Variants in ACCS observed in about 807,000 individuals in gnomAD.
ACCS encodes the protein 1-aminocyclopropane-1-carboxylate synthase homolog (inactive).
In ACCS, 42 loss-of-function variants were observed where a neutral mutation model predicts 59.8. The ratio of observed to expected loss-of-function variants is 0.70; its 90% CI spans 0.55 to 0.91. ACCS has a LOEUF of 0.91. Ranked by LOEUF, ACCS falls within the 40% of genes least tolerant of loss-of-function variation. ACCS has a pLI of 0.00. For synonymous variants in ACCS, 230 were observed against 240.3 expected (o/e 0.96, Z 0.40); for missense variants, 602 against 630.4 (o/e 0.95, Z 0.48).
At position 44,084,172 on chromosome 11, in the gene ACCS, C is replaced by T. The variant is rs374785376; in HGVS notation, c.*380C>T. ...TCCTCTTTCTTTGTCACCAAGGAAA[C>T]GAGTCAAAGGAACAGCACATACAGG... On this transcript the variant is annotated 3_prime_UTR_variant, in exon 15 of 15. Coordinates refer to ENST00000263776, the MANE Select transcript of ACCS (RefSeq NM_032592.4). The T allele has an allele frequency of 2.3e-4, 47 of 203,914 alleles. No homozygotes were observed. The highest frequency in any genetic ancestry group is 8.6e-4 in the African/African-American group (37 of 42,972). 12.6% of individuals were successfully genotyped at this position (203,914 alleles called of 1,614,324 possible).
At chr11:44,076,623 T>C (rs1214319596) in intron 6 of ACCS, among the ~76,000 whole-genome samples, 2 of 152,236 alleles carry the variant, frequency 1.3e-5, no homozygotes, top group Non-Finnish European at 2.9e-5. Flanking sequence ...AGTACCTCCT[T>C]CGGAGACTAA....
At chr11:44,068,162 A>G (rs1419737068) in intron 2 of ACCS, among the ~76,000 whole-genome samples, 1 of 152,174 alleles carries the variant, frequency 6.6e-6, no homozygotes, top group Admixed American at 6.5e-5. Flanking sequence ...ATGATGTTCT[A>G]TGGATTCTGA....
intron 4 of ACCS, 64 bp from the exon 5 acceptor site, chr11:44,074,548 G>A: frequency 8.0e-7 from 1 of 1,257,212 alleles, no homozygotes; most frequent in Non-Finnish European, 1.2e-6. Context: ...CACCAGAGGA[G>A]CTTCAGGATG....
At chr11:44,069,187 T>A (rs1952929682) in intron 2 of ACCS, among the ~76,000 whole-genome samples, 1 of 152,194 alleles carries the variant, frequency 6.6e-6, no homozygotes, top group African/African-American at 2.4e-5. Context: ...GGAATCCTGG[T>A]GGATGCCTCA....
At chr11:44,075,366 G>T (rs79243553) in intron 5 of ACCS, among the ~76,000 whole-genome samples, 160 bp from the exon 6 acceptor site, 1 of 152,180 alleles carries the variant, frequency 6.6e-6, no homozygotes, top group Non-Finnish European at 1.5e-5. Context: ...GGGTCCACAC[G>T]GATGAGCTTG....
Position 44,078,955 on chromosome 11 carries a change from T to C in ACCS, c.833+171T>C. On this transcript the variant is annotated intron_variant, in intron 9 of 14. Transcript: ENST00000263776. ...GGGATTTGTGGGATGCCCATTCCTC[T>C]TTATCTTTCACTCTTTATAACAATA... 6.7e-6 allele frequency: 4 copies of C among 600,292 alleles called. No homozygotes were observed. In the South Asian group the frequency reaches 8.1e-5, roughly 12 times the overall value. 37.2% of individuals were successfully genotyped at this position (600,292 alleles called of 1,614,324 possible). A position where few individuals can be genotyped will look rare whatever the true frequency, so the allele number is the denominator to read the frequency against.
intron 1 of ACCS, chr11:44,067,418 TC>T (rs1565166861): frequency 1.8e-6 from 1 of 544,648 alleles, no homozygotes; most frequent in African/African-American, 1.9e-5. Context: ...GCAAGTGCAG[TC>T]CCTGGCACGT....
In ACCS at chr11:44,075,578, TGTGTGAGGCCG is replaced by T; in HGVS notation, c.544_554del (p.Cys182GlyfsTer33). The T allele has an allele frequency of 1.2e-6, 2 of 1,614,174 alleles. No individual in the cohort carries two copies. Among genetic ancestry groups the T allele is most frequent in the Non-Finnish European group, 1.7e-6 (2 of 1,180,034 alleles). ...CTCTTCTCTGCTCTGGCCACGGTGC[TGTGTGAGGCCG>T]GGGGTAAGTGAGCTCTGTGGCCTGC... On this transcript the variant is annotated frameshift_variant, in exon 6 of 15. Transcript: ENST00000263776. LOFTEE classifies it high-confidence loss of function.
intron 2 of ACCS, among the ~76,000 whole-genome samples, chr11:44,068,903 A>T (rs1209764937): frequency 6.6e-6 from 1 of 152,226 alleles, no homozygotes; most frequent in African/African-American, 2.4e-5. Flanking sequence ...AGTTAGGGAG[A>T]CAAACAGTGA....
rs1212714711 is a variant in ACCS at position 44,084,058 on chromosome 11, C to T, written c.*266C>T. ...TGTGAGTTATTTAGAATGGAGGAGT[C>T]GTGACTGCTTCTAACCAGAGCCTCA... On this transcript the variant is annotated 3_prime_UTR_variant, in exon 15 of 15. Coordinates refer to ENST00000263776, the MANE Select transcript of ACCS (RefSeq NM_032592.4). 5 of 556,276 alleles carry T rather than the reference C, an allele frequency of 9.0e-6. No homozygotes were observed. Among genetic ancestry groups the T allele is most frequent in the Middle Eastern group, 5.4e-4 (1 of 1,858 alleles). The allele number at this position is 556,276 out of a possible 1,614,324, so 34.5% of individuals were successfully genotyped here.
intron 6 of ACCS, among the ~76,000 whole-genome samples, chr11:44,076,677 C>T (rs1180169496): frequency 6.6e-6 from 1 of 152,234 alleles, no homozygotes; most frequent in African/African-American, 2.4e-5. Flanking sequence ...ATGTTCAGTG[C>T]ATTTCCCATC....
chr11:44,069,029 A>C (rs1590453559), intron 2 of ACCS, among the ~76,000 whole-genome samples: 1 of 152,202 alleles, frequency 6.6e-6, no homozygotes, highest in Non-Finnish European at 1.5e-5. Flanking sequence ...ATTTAGTAGA[A>C]GGAGGTCACA....
At chr11:44,074,919 T>A (rs148699005) in intron 5 of ACCS, among the ~76,000 whole-genome samples, 1 of 151,226 alleles carries the variant, frequency 6.6e-6, no homozygotes, top group African/African-American at 2.4e-5. Flanking sequence ...CTGCCTCTTG[T>A]GTTTAAGTGA....
chr11:44,081,172 C>T lies in ACCS; in HGVS notation c.970-7C>T. Reference sequence around the variant, plus strand: ...CTGGCCACCGCCTAGGGTGCTTCTTCCTGCAGGACTTCGGGATGTCTGGGC... The same window carrying T: ...CTGGCCACCGCCTAGGGTGCTTCTTTCTGCAGGACTTCGGGATGTCTGGGC... On this transcript the variant is annotated splice_polypyrimidine_tract_variant and splice_region_variant and intron_variant, in intron 11 of 14. Coordinates refer to ENST00000263776, the MANE Select transcript of ACCS (RefSeq NM_032592.4). 1 of 1,614,200 alleles carries T rather than the reference C, an allele frequency of 6.2e-7. No homozygotes were observed. The highest frequency in any genetic ancestry group is 2.2e-5 in the East Asian group (1 of 44,878).
chr11:44,068,318 C>T (rs2134807058), intron 2 of ACCS, among the ~76,000 whole-genome samples: 1 of 152,282 alleles, frequency 6.6e-6, no homozygotes, highest in African/African-American at 2.4e-5. Flanking sequence ...GATAATAAGG[C>T]CAAGCATGGT....
intron 1 of ACCS, 84 bp from the exon 2 acceptor site, chr11:44,067,544 G>C (rs759238160): frequency 7.2e-7 from 1 of 1,390,812 alleles, no homozygotes; most frequent in Non-Finnish European, 9.8e-7. Context: ...AAGAGAAAGG[G>C]GACTCCCATG....
intron 5 of ACCS, 133 bp from the exon 6 acceptor site, chr11:44,075,393 C>A: frequency 3.4e-6 from 3 of 879,452 alleles, no homozygotes; most frequent in Non-Finnish European, 3.6e-6. Flanking sequence ...AGTCTAGTGG[C>A]TTTGTTGTGA....
chr11:44,083,791 G>GAGCT lies in ACCS; in HGVS notation c.1506_*3dup. 6.2e-7 allele frequency: 1 copy of GAGCT among 1,607,342 alleles called. No homozygotes were observed. Among genetic ancestry groups the GAGCT allele is most frequent in the Non-Finnish European group, 8.5e-7 (1 of 1,176,858 alleles). On this transcript the variant is annotated frameshift_variant and stop_retained_variant, in exon 15 of 15. Transcript: ENST00000263776. LOFTEE classifies it high-confidence loss of function. The stretch of plus-strand genomic sequence containing the variant: ...CAGGAGCCAAGTGACCAACGCAGGT[G>GAGCT]AGCTGGTCATTGTCTCGTGGCCAGA...
Position 44,074,694 on chromosome 11 carries a change from C to A in ACCS, c.489+13C>A. The A allele has an allele frequency of 6.4e-7, 1 of 1,556,266 alleles. No homozygotes were observed. The highest frequency in any genetic ancestry group is 8.7e-7 in the Non-Finnish European group (1 of 1,147,114). ...CAGACCAGAGAATGTGAGTGGCCCC[C>A]TCCACTGCTCCTTCCTGTTCTCCTG... On this transcript the variant is annotated intron_variant, in intron 5 of 14. Coordinates refer to ENST00000263776, the MANE Select transcript of ACCS (RefSeq NM_032592.4).
Sources: gnomAD v4.1 joint callset for allele counts (sites outside exome capture counted in the v4.1 genomes callset) on GRCh38, gnomAD v4.1.1 for gene constraint, MANE v1.5 for transcripts, NCBI Gene and HGNC (gene_info 2026-07-23, HGNC 2026-07-21) for gene names.